CLSTN2: variants seen among roughly 807,000 people sequenced by gnomAD.
CLSTN2 encodes calsyntenin-2.
CLSTN2 carries 48 observed loss-of-function variants against 101.2 expected under a neutral mutation model. The observed-to-expected ratio is 0.47, with a 90% CI of 0.38 to 0.60. The LOEUF is 0.60. Ranked by LOEUF, CLSTN2 falls within the 20% of genes least tolerant of loss-of-function variation. The pLI is 0.00. For missense variants in CLSTN2, 1,160 were observed against 1,238.2 expected, an observed-to-expected ratio of 0.94 and a Z score of 0.95; for synonymous variants, 481 against 463.6, an observed-to-expected ratio of 1.04 and a Z score of -0.48.
chr3:139,940,706 C>A (rs1935112155), intron 1 of CLSTN2, among the ~76,000 whole-genome samples: 2 of 152,140 alleles, frequency 1.3e-5, no homozygotes, highest in African/African-American at 4.8e-5. Context: ...CATGCATACA[C>A]ACGCATTTGG....
At chr3:140,317,681 C>A (rs952012440) in intron 2 of CLSTN2, among the ~76,000 whole-genome samples, 10 of 152,166 alleles carry the variant, frequency 6.6e-5, no homozygotes, top group Admixed American at 1.3e-4. Flanking sequence ...AGGTTTTTGA[C>A]TGTTACCTGA....
rs143078053 is a variant in CLSTN2 at position 140,411,953 on chromosome 3, G to A, written c.637+7187G>A. ...GGCTGGTAGAGAAAAACAGACCAAT[G>A]GGCCTATGTTTTTACTGAGTTCAAA... On this transcript the variant is annotated intron_variant, in intron 4 of 16. Transcript: ENST00000458420. 8.4e-3 allele frequency among the ~76,000 whole-genome samples: 1,273 copies of A among 152,286 alleles called. 13 individuals are homozygous for A. Among genetic ancestry groups the A allele is most frequent in the South Asian group, 0.022 (107 of 4,824 alleles).
rs149373103 is a variant in CLSTN2 at position 140,116,190 on chromosome 3, C to G, written c.110-59761C>G. 5.2e-3 allele frequency among the ~76,000 whole-genome samples: 797 copies of G among 152,200 alleles called. 5 individuals carry two copies. Among genetic ancestry groups the G allele is most frequent in the African/African-American group, 0.019 (769 of 41,536 alleles). On this transcript the variant is annotated intron_variant, in intron 1 of 16. Transcript: ENST00000458420. ...TTGCCTCATCTACAAATCTCCTGGT[C>G]TATTATTGACTTAGTATTTTTCTTT...
At chr3:140,054,788 A>T (rs1453084612) in intron 1 of CLSTN2, among the ~76,000 whole-genome samples, 2 of 152,206 alleles carry the variant, frequency 1.3e-5, no homozygotes, top group Admixed American at 6.5e-5. Flanking sequence ...TCAAAGGTAG[A>T]CTTTTTGGGG....
chr3:140,184,637 A>G (rs2010459648), intron 2 of CLSTN2, among the ~76,000 whole-genome samples: 1 of 152,176 alleles, frequency 6.6e-6, no homozygotes, highest in Admixed American at 6.5e-5. Context: ...AGCCAAGCCC[A>G]GAGTCAGTGC....
chr3:140,362,959 A>G (rs1161042926), intron 2 of CLSTN2, among the ~76,000 whole-genome samples: 1 of 152,186 alleles, frequency 6.6e-6, no homozygotes, highest in Admixed American at 6.5e-5. Context: ...TTATCATATG[A>G]CCTAGAAATT....
intron 1 of CLSTN2, among the ~76,000 whole-genome samples, chr3:140,090,437 C>A (rs2107785322): frequency 6.6e-6 from 1 of 152,156 alleles, no homozygotes; most frequent in Admixed American, 6.5e-5. Flanking sequence ...CCATGCCTGG[C>A]CTTTTTCAGC....
rs138867128 is a variant in CLSTN2 at position 140,294,377 on chromosome 3, C to T, written c.233-109252C>T. Among the ~76,000 whole-genome samples the T allele has an allele frequency of 2.3e-3, 354 of 152,230 alleles. 2 individuals carry two copies. The highest frequency in any genetic ancestry group is 7.9e-3 in the African/African-American group (327 of 41,524). On this transcript the variant is annotated intron_variant, in intron 2 of 16. Transcript: ENST00000458420. ...GTTTATTTCTTACTCATGCTACATG[C>T]CTACACTGACTTTTGCTCCAAGTCT...
At chr3:140,114,696 G>C (rs2009211479) in intron 1 of CLSTN2, among the ~76,000 whole-genome samples, 2 of 151,988 alleles carry the variant, frequency 1.3e-5, no homozygotes, top group Non-Finnish European at 2.9e-5. Context: ...TTAGAGGCAG[G>C]ATATCATATT....
intron 2 of CLSTN2, among the ~76,000 whole-genome samples, chr3:140,296,044 A>C (rs1051344597): frequency 2.0e-5 from 3 of 152,188 alleles, no homozygotes; most frequent in African/African-American, 7.2e-5. Flanking sequence ...TCTGATTTAC[A>C]ATATGGCCTT....
intron 1 of CLSTN2, among the ~76,000 whole-genome samples, chr3:140,041,468 G>A (rs1338296272): frequency 6.6e-6 from 1 of 152,216 alleles, no homozygotes; most frequent in Non-Finnish European, 1.5e-5. Flanking sequence ...CAGTCCCAGA[G>A]GAAGTGCAGA....
intron 2 of CLSTN2, among the ~76,000 whole-genome samples, chr3:140,371,499 T>C (rs1225215370): frequency 6.6e-6 from 1 of 152,116 alleles, no homozygotes; most frequent in Admixed American, 6.5e-5. Context: ...TGGCTGCCCC[T>C]GGAACCTTCC....
chr3:140,226,361 C>G (rs1240085084), intron 2 of CLSTN2, among the ~76,000 whole-genome samples: 1 of 152,110 alleles, frequency 6.6e-6, no homozygotes, highest in East Asian at 1.9e-4. Context: ...GATGTTATCA[C>G]TGGGAAAAGC....
At chr3:140,466,547 C>G (rs1933707700) in intron 7 of CLSTN2, 63 bp from the exon 8 acceptor site, 3 of 1,606,676 alleles carry the variant, frequency 1.9e-6, no homozygotes, top group Middle Eastern at 1.7e-4. Flanking sequence ...AGCAGGAAGA[C>G]TCCTCTGGTG....
At chr3:139,999,043 C>T (rs9842814) in intron 1 of CLSTN2, among the ~76,000 whole-genome samples, 83,582 of 151,346 alleles carry the variant, frequency 0.55, 25,283 homozygotes, top group Non-Finnish European at 0.67. Context: ...TGCCTGTCCC[C>T]GTGACCTACC....
intron 2 of CLSTN2, among the ~76,000 whole-genome samples, chr3:140,279,000 A>T (rs1240026682): frequency 6.6e-6 from 1 of 152,208 alleles, no homozygotes; most frequent in Non-Finnish European, 1.5e-5. Context: ...GAATACAGGC[A>T]TGAGCCACCA....
chr3:140,543,777 C>CT (rs1294452509), intron 9 of CLSTN2, among the ~76,000 whole-genome samples: 5 of 152,180 alleles, frequency 3.3e-5, no homozygotes, highest in African/African-American at 9.7e-5. Context: ...AAAATGGAAG[C>CT]TTTTTATACA....
At chr3:140,236,871 A>C (rs1475553930) in intron 2 of CLSTN2, among the ~76,000 whole-genome samples, 1 of 116,870 alleles carries the variant, frequency 8.6e-6, no homozygotes, top group African/African-American at 3.0e-5. Flanking sequence ...GTGTATATAA[A>C]TTTCACTGTC....
chr3:140,363,590 G>A (rs543401834), intron 2 of CLSTN2, among the ~76,000 whole-genome samples: 30 of 132,156 alleles, frequency 2.3e-4, no homozygotes, highest in African/African-American at 7.4e-4. Context: ...GAAATGCTGG[G>A]CAGTCAGAGG....
Sources: allele counts gnomAD v4.1 joint callset (sites outside exome capture counted in the v4.1 genomes callset), GRCh38; gene constraint gnomAD v4.1.1; transcripts MANE v1.5; gene names NCBI Gene and HGNC (gene_info 2026-07-23, HGNC 2026-07-21).